Variants in PLEKHA1 observed in about 807,000 individuals in gnomAD.
The protein encoded by PLEKHA1 is pleckstrin homology domain containing A1.
PLEKHA1 carries 34 observed loss-of-function variants against 52.0 expected under a neutral mutation model. That is an observed-to-expected ratio of 0.65 (90% CI 0.50 to 0.87). The LOEUF (loss-of-function observed/expected upper bound fraction) is 0.87, where lower values mean the gene tolerates loss of function less well. Among genes scored for constraint, PLEKHA1 ranks in the 40% least tolerant of loss-of-function variants. The pLI, the probability that PLEKHA1 is intolerant of heterozygous loss-of-function variation, is 0.00. For missense variants in PLEKHA1, 497 were observed against 504.2 expected (o/e 0.99, Z 0.14); for synonymous variants, 163 against 170.7 (o/e 0.95, Z 0.35).
chr10:122,428,253 C>T (rs2097368792), intron 11 of PLEKHA1: 1 of 1,520,568 alleles, frequency 6.6e-7, no homozygotes, highest in South Asian at 1.3e-5. Flanking sequence ...TAACTCTAAT[C>T]TTAGCTTTGC....
At chr10:122,389,492 G>A (rs2096746507) in intron 1 of PLEKHA1, among the ~76,000 whole-genome samples, 1 of 152,208 alleles carries the variant, frequency 6.6e-6, no homozygotes, top group Non-Finnish European at 1.5e-5. Flanking sequence ...CTGAGGTCAG[G>A]AGTTTGAGAG....
In PLEKHA1 at chr10:122,430,786, T is replaced by C. The variant is rs923083890; in HGVS notation, c.*848T>C. ...ACATAACTGCCCTTAGTCATGAAAT[T>C]GTTGTGACCTCTACTTTTTGTCACT... On this transcript the variant is annotated 3_prime_UTR_variant, in exon 12 of 12. Transcript: ENST00000368990. The C allele has an allele frequency of 6.6e-6, 1 of 152,280 alleles. No homozygotes were observed. Among genetic ancestry groups the C allele is most frequent in the Admixed American group, 6.5e-5 (1 of 15,282 alleles). 9.4% of individuals were successfully genotyped at this position (152,280 alleles called of 1,614,324 possible).
rs182902724 is a variant in PLEKHA1 at position 122,408,186 on chromosome 10, T to A, written c.342+1513T>A. ...TTAGAAAGATAATATCTCGTAACTG[T>A]ACTAAATTCATGTTTTACCATTTGC... On this transcript the variant is annotated intron_variant, in intron 5 of 11. Transcript: ENST00000368990. Among the ~76,000 whole-genome samples, 10 of 152,334 alleles carry A rather than the reference T, an allele frequency of 6.6e-5. No individual in the cohort carries two copies. The East Asian group carries it at 1.9e-3, about 29-fold the overall frequency.
chr10:122,388,939 TC>T (rs1206411667), intron 1 of PLEKHA1, among the ~76,000 whole-genome samples: 2 of 152,228 alleles, frequency 1.3e-5, no homozygotes, highest in Non-Finnish European at 2.9e-5. Context: ...CTAATTCTAG[TC>T]CTTTTGCTGT....
At position 122,424,966 on chromosome 10, in the gene PLEKHA1, T is replaced by C. The variant is rs774887552; in HGVS notation, c.810+7T>C. 1 of 1,601,536 alleles carries C rather than the reference T, an allele frequency of 6.2e-7. No homozygotes were observed. The highest frequency in any genetic ancestry group is 8.5e-7 in the Non-Finnish European group (1 of 1,173,284). On this transcript the variant is annotated splice_region_variant and intron_variant, in intron 10 of 11. Transcript: ENST00000368990. ...TCGAACTTTCTATGTGCAGGTAAGA[T>C]GCTTATTTGGCAATTAATAGATCCT...
At chr10:122,441,005 A>T in the PLEKHA1 span, 1 of 152,104 alleles carries the variant, frequency 6.6e-6, no homozygotes, top group Non-Finnish European at 1.5e-5. Context: ...TAATCCCCTA[A>T]GGCAGTGGTT....
At chr10:122,413,142 A>G in intron 6 of PLEKHA1, 97 bp downstream of exon 6, 1 of 998,802 alleles carries the variant, frequency 1.0e-6, no homozygotes, top group Non-Finnish European at 1.4e-6. Flanking sequence ...CTTAATTGGT[A>G]TAATATACAA....
At chr10:122,402,623 A>G (rs78599430) in intron 4 of PLEKHA1, among the ~76,000 whole-genome samples, 2 of 152,284 alleles carry the variant, frequency 1.3e-5, no homozygotes, top group African/African-American at 4.8e-5. Flanking sequence ...TTTTCTGGGG[A>G]AGCAACAGTG....
At chr10:122,408,395 A>G (rs891195122) in intron 5 of PLEKHA1, among the ~76,000 whole-genome samples, 8 of 152,174 alleles carry the variant, frequency 5.3e-5, no homozygotes, top group Non-Finnish European at 8.8e-5. Flanking sequence ...GAGATTCTAA[A>G]TAGAATTCTA....
At chr10:122,376,583 A>G (rs1193287028) in intron 1 of PLEKHA1, among the ~76,000 whole-genome samples, 1 of 151,366 alleles carries the variant, frequency 6.6e-6, no homozygotes. Context: ...CAGAGCTTCC[A>G]ATCTTTATCT....
Position 122,415,893 on chromosome 10 carries a change from A to G in PLEKHA1, c.503A>G (p.Asp168Gly). The change falls in exon 7 of 12, where the codon GAC becomes GGC. Residue 168 changes from aspartate to glycine, a missense_variant. Physicochemically the swap from Asp to Gly is moderately conservative, Grantham distance 94 (BLOSUM62 -1). Transcript: ENST00000368990. ...GTAAATGAATGTGGTGAAAGTATTG[A>G]CAGAAATAATCTGAAACGGTCACAA... ...EEVNECGESI[D>G]RNNLKRSQSH... 1 of 1,612,824 alleles carries G rather than the reference A, an allele frequency of 6.2e-7. No individual in the cohort carries two copies. Among genetic ancestry groups the G allele is most frequent in the Non-Finnish European group, 8.5e-7 (1 of 1,179,028 alleles).
intron 8 of PLEKHA1, 192 bp from the exon 9 acceptor site, chr10:122,424,007 G>A (rs1273650213): frequency 2.9e-6 from 2 of 680,952 alleles, no homozygotes; most frequent in Non-Finnish European, 4.6e-6. Flanking sequence ...TCAAACAACA[G>A]TGTATATAAG....
the PLEKHA1 span, chr10:122,441,830 C>A: frequency 1.3e-5 from 2 of 152,256 alleles, no homozygotes; most frequent in East Asian, 3.9e-4. Context: ...AAAAGGAAAA[C>A]GTTGAGTTCT....
intron 8 of PLEKHA1, chr10:122,423,323 C>G (rs1454612367): frequency 6.6e-6 from 1 of 150,712 alleles, no homozygotes; most frequent in African/African-American, 2.4e-5. Flanking sequence ...ACTTGGGAGG[C>G]TGAGGCAGGA....
intron 1 of PLEKHA1, chr10:122,392,239 T>G (rs906662455): frequency 1.3e-5 from 2 of 152,182 alleles, no homozygotes; most frequent in South Asian, 4.1e-4. Flanking sequence ...TCTCTCTTTT[T>G]CTTTTTTTTC....
intron 10 of PLEKHA1, 57 bp from the exon 11 acceptor site, chr10:122,426,885 T>C: frequency 7.2e-7 from 1 of 1,379,580 alleles, no homozygotes; most frequent in Non-Finnish European, 1.0e-6. Flanking sequence ...ACATTGGCTG[T>C]ATAGAAGTAG....
At chr10:122,432,790 A>G (rs2097424533), downstream of PLEKHA1, 1 of 152,120 alleles carries the variant, frequency 6.6e-6, no homozygotes, top group Non-Finnish European at 1.5e-5. Flanking sequence ...GCTCCTTGCA[A>G]ACGTTCCCTA....
chr10:122,425,972 C>T (rs2097333324), intron 10 of PLEKHA1, among the ~76,000 whole-genome samples: 1 of 151,714 alleles, frequency 6.6e-6, no homozygotes, highest in African/African-American at 2.4e-5. Context: ...ATTTTTTTCC[C>T]ATGTCATTAA....
At chr10:122,385,422 A>G (rs556590078) in intron 1 of PLEKHA1, among the ~76,000 whole-genome samples, 3 of 149,556 alleles carry the variant, frequency 2.0e-5, no homozygotes, top group South Asian at 2.1e-4. Flanking sequence ...GGTTCAAGCA[A>G]TTCTCCTGCC....
Sources: allele counts gnomAD v4.1 joint callset (sites outside exome capture counted in the v4.1 genomes callset), GRCh38; gene constraint gnomAD v4.1.1; transcripts MANE v1.5; gene names NCBI Gene and HGNC (gene_info 2026-07-23, HGNC 2026-07-21).